The following ADARB2 variants were observed in gnomAD, a reference collection of about 807,000 sequenced individuals.
The protein encoded by ADARB2 is inactive double-stranded RNA-specific editase B2.
In ADARB2, 25 loss-of-function variants were observed where a neutral mutation model predicts 62.2. The observed-to-expected ratio is 0.40, with a 90% CI of 0.29 to 0.56. The LOEUF (loss-of-function observed/expected upper bound fraction) is 0.56. Among genes scored for constraint, ADARB2 ranks in the 20% least tolerant of loss-of-function variants. ADARB2 has a pLI of 0.43. For missense variants in ADARB2, 1,071 were observed against 1,077.4 expected, an observed-to-expected ratio of 0.99 and a Z score of 0.08; for synonymous variants, 572 against 500.8, an observed-to-expected ratio of 1.14 and a Z score of -1.90.
chr10:1,491,019 G>A (rs1279451889), intron 1 of ADARB2, among the ~76,000 whole-genome samples: 1 of 152,128 alleles, frequency 6.6e-6, no homozygotes, highest in Non-Finnish European at 1.5e-5. Context: ...CAGAGGAAAT[G>A]CCTTCTGCAG....
intron 1 of ADARB2, among the ~76,000 whole-genome samples, chr10:1,729,086 G>C (rs1169515856): frequency 1.3e-5 from 2 of 152,326 alleles, no homozygotes; most frequent in African/African-American, 4.8e-5. Context: ...AACTCTGTTA[G>C]AATTCTTTGA....
intron 1 of ADARB2, among the ~76,000 whole-genome samples, chr10:1,487,662 AT>A (rs1210793404): frequency 1.3e-5 from 2 of 152,212 alleles, no homozygotes; most frequent in African/African-American, 4.8e-5. Flanking sequence ...GAATATAGAC[AT>A]TTGGGAACGG....
chr10:1,628,826 C>T (rs571320339), intron 1 of ADARB2, among the ~76,000 whole-genome samples: 1 of 152,378 alleles, frequency 6.6e-6, no homozygotes, highest in Non-Finnish European at 1.5e-5. Flanking sequence ...TCACGGCGGC[C>T]TCCGGCCAGG....
At chr10:1,495,362 G>A (rs1459383250) in intron 1 of ADARB2, among the ~76,000 whole-genome samples, 5 of 152,144 alleles carry the variant, frequency 3.3e-5, no homozygotes, top group African/African-American at 7.2e-5. Flanking sequence ...AAAACTCCTC[G>A]GAGGGTTTCT....
chr10:1,298,897 G>C (rs1177318051), intron 3 of ADARB2, among the ~76,000 whole-genome samples: 1 of 151,086 alleles, frequency 6.6e-6, no homozygotes, highest in Non-Finnish European at 1.5e-5. Context: ...GCATCACCAT[G>C]CCCGGTTAAG....
chr10:1,558,347 C>A lies in ADARB2; in HGVS notation c.100+178704G>T, dbSNP rs180715384. Among the ~76,000 whole-genome samples, 1,268 of 142,194 alleles carry A rather than the reference C, an allele frequency of 8.9e-3. 43 individuals are homozygous for A. The highest frequency in any genetic ancestry group is 0.031 in the African/African-American group (1,132 of 36,130). 93.3% of individuals were successfully genotyped at this position (142,194 alleles called of 152,430 possible). Reference sequence around the variant, plus strand: ...TCTAAATCCGCATCCCACCTCTGTCCCATTCTGTGGGTGCTCAGCCCCCGC... The same window carrying A: ...TCTAAATCCGCATCCCACCTCTGTCACATTCTGTGGGTGCTCAGCCCCCGC... On this transcript the variant is annotated intron_variant, in intron 1 of 9. Transcript: ENST00000381312.
At chr10:1,371,817 T>A (rs1349316116) in intron 2 of ADARB2, among the ~76,000 whole-genome samples, 1 of 150,910 alleles carries the variant, frequency 6.6e-6, no homozygotes. Context: ...ATCCAACATG[T>A]TTGTGTGGAT....
intron 1 of ADARB2, among the ~76,000 whole-genome samples, chr10:1,574,254 A>T (rs1832980747): frequency 6.6e-6 from 1 of 152,178 alleles, no homozygotes; most frequent in Non-Finnish European, 1.5e-5. Flanking sequence ...GTTTGAGGGC[A>T]TTTTCTCAGA....
intron 3 of ADARB2, among the ~76,000 whole-genome samples, chr10:1,338,707 C>A (rs931356442): frequency 2.0e-5 from 3 of 152,298 alleles, no homozygotes; most frequent in Non-Finnish European, 1.5e-5. Context: ...CCTTAGGTCA[C>A]CCCCCGACAT....
At chr10:1,555,034 T>C (rs956355736) in intron 1 of ADARB2, among the ~76,000 whole-genome samples, 3 of 152,208 alleles carry the variant, frequency 2.0e-5, no homozygotes, top group Admixed American at 6.5e-5. Flanking sequence ...GAGGCATCCA[T>C]GTTTTGGCAA....
intron 1 of ADARB2, among the ~76,000 whole-genome samples, chr10:1,561,673 A>T (rs1024065293): frequency 6.6e-6 from 1 of 152,092 alleles, no homozygotes; most frequent in Non-Finnish European, 1.5e-5. Flanking sequence ...CTGATCCTGG[A>T]TGCTGATAAG....
At chr10:1,692,567 A>G (rs769685118) in intron 1 of ADARB2, among the ~76,000 whole-genome samples, 62 of 152,296 alleles carry the variant, frequency 4.1e-4, no homozygotes, top group Non-Finnish European at 1.8e-4. Flanking sequence ...GTGTTTCCTC[A>G]TTCAGTAGTG....
intron 1 of ADARB2, among the ~76,000 whole-genome samples, chr10:1,463,712 G>C (rs1831206962): frequency 6.6e-6 from 1 of 152,222 alleles, no homozygotes; most frequent in Admixed American, 6.5e-5. Context: ...CTAAGAACTT[G>C]TGCTCTTTGA....
At chr10:1,447,750 C>T (rs76803867) in intron 1 of ADARB2, among the ~76,000 whole-genome samples, 2,108 of 152,154 alleles carry the variant, frequency 0.014, 40 homozygotes, top group African/African-American at 0.048. Flanking sequence ...CTCAAGCAGG[C>T]CCTGGTGTCT....
At chr10:1,574,467 A>C (rs1349225116) in intron 1 of ADARB2, among the ~76,000 whole-genome samples, 1 of 152,194 alleles carries the variant, frequency 6.6e-6, no homozygotes, top group African/African-American at 2.4e-5. Context: ...AAAGCACCAC[A>C]GAGAACAGAC....
intron 1 of ADARB2, among the ~76,000 whole-genome samples, chr10:1,508,291 T>G (rs1007361512): frequency 1.1e-4 from 16 of 152,310 alleles, no homozygotes; most frequent in Admixed American, 7.2e-4. Flanking sequence ...TCCCCGCAGC[T>G]GGTGAAGACA....
intron 1 of ADARB2, among the ~76,000 whole-genome samples, chr10:1,646,681 A>G (rs982053587): frequency 2.0e-5 from 3 of 152,188 alleles, no homozygotes; most frequent in South Asian, 4.1e-4. Context: ...CTAGTCCTAA[A>G]TTCTCTGCTC....
rs558769991 is a variant in ADARB2 at position 1,410,933 on chromosome 10, C to T, written c.101-31773G>A. On this transcript the variant is annotated intron_variant, in intron 1 of 9. Coordinates refer to ENST00000381312, the MANE Select transcript of ADARB2 (RefSeq NM_018702.4). ...TACGGCCTCTCCCTCTCCCGAGCTG[C>T]GCCCTGTCCTCCTGGAGGCGAAGGG... is the stretch of plus-strand genomic sequence containing the variant. Among the ~76,000 whole-genome samples, 18 of 152,312 alleles carry T rather than the reference C, an allele frequency of 1.2e-4. No homozygotes were observed. The Middle Eastern group carries it at 0.01, about 86-fold the overall frequency.
chr10:1,720,787 A>G (rs1045369176), intron 1 of ADARB2, among the ~76,000 whole-genome samples: 1 of 152,164 alleles, frequency 6.6e-6, no homozygotes, highest in Non-Finnish European at 1.5e-5. Context: ...ACTCAAGGCA[A>G]ATTTGGGGGC....
Sources: allele counts gnomAD v4.1 joint callset (sites outside exome capture counted in the v4.1 genomes callset), GRCh38; gene constraint gnomAD v4.1.1; transcripts MANE v1.5; gene names NCBI Gene and HGNC (gene_info 2026-07-23, HGNC 2026-07-21).